The following CRB1 variants were observed in gnomAD, a reference collection of about 807,000 sequenced individuals.
The protein encoded by CRB1 is crumbs cell polarity complex component 1, also known as protein crumbs homolog 1.
A neutral mutation model predicts 120.0 loss-of-function variants in CRB1; 83 were observed. That is an observed-to-expected ratio of 0.69 (90% CI 0.58 to 0.83). CRB1 has a LOEUF of 0.83. Among genes scored for constraint, CRB1 ranks in the 40% least tolerant of loss-of-function variants. CRB1 has a pLI of 0.00. For synonymous variants in CRB1, 625 were observed against 612.5 expected, an observed-to-expected ratio of 1.02 and a Z score of -0.30; for missense variants, 1,699 against 1,687.6, an observed-to-expected ratio of 1.01 and a Z score of -0.12.
At chr1:197,340,263 G>A (rs1176020625) in intron 2 of CRB1, among the ~76,000 whole-genome samples, 1 of 152,092 alleles carries the variant, frequency 6.6e-6, no homozygotes, top group African/African-American at 2.4e-5. Context: ...AGGGAGTGAG[G>A]AGTGGGGCAT....
chr1:197,283,466 C>G (rs988499782), intron 1 of CRB1, among the ~76,000 whole-genome samples: 1 of 151,784 alleles, frequency 6.6e-6, no homozygotes, highest in Non-Finnish European at 1.5e-5. Flanking sequence ...TAGCTTAGCT[C>G]CCACTTATGA....
chr1:197,373,573 G>A (rs6674823), intron 5 of CRB1, among the ~76,000 whole-genome samples: 6,981 of 152,172 alleles, frequency 0.046, 536 homozygotes, highest in African/African-American at 0.16. Context: ...TGGCCAACAG[G>A]AGACAAATCT....
chr1:197,310,279 G>A (rs934814908), intron 1 of CRB1, among the ~76,000 whole-genome samples: 6 of 152,050 alleles, frequency 3.9e-5, no homozygotes, highest in Non-Finnish European at 7.4e-5. Context: ...GGCAATTTTC[G>A]GAATAGAAAA....
chr1:197,461,188 G>T (rs1666514155), intron 11 of CRB1, among the ~76,000 whole-genome samples: 2 of 152,144 alleles, frequency 1.3e-5, no homozygotes, highest in Admixed American at 6.6e-5. Context: ...TCAACTTAAA[G>T]ATTTATTTGC....
At chr1:197,333,068 GAGTGATCATAAAGAACTCCTCTTACAGA>G in intron 2 of CRB1, among the ~76,000 whole-genome samples, 1 of 152,168 alleles carries the variant, frequency 6.6e-6, no homozygotes, top group Admixed American at 6.5e-5. Flanking sequence ...TCCAAATTTA[GAGTGATCATAAAGAACTCCTCTTACAGA>G]AAAAAACCTG....
intron 1 of CRB1, among the ~76,000 whole-genome samples, chr1:197,292,133 A>G (rs1003046706): frequency 6.6e-6 from 1 of 151,910 alleles, no homozygotes; most frequent in Non-Finnish European, 1.5e-5. Flanking sequence ...CCAGGAGCTG[A>G]TTTTTTGAAA....
In CRB1 at chr1:197,268,450, A is replaced by G. The variant is rs776429571; in HGVS notation, c.38A>G (p.Tyr13Cys). The part of the protein sequence containing the change: ...LKNINYLLIF[Y>C]LSFSLLIYIK... ...AACATTAACTACCTTCTCATCTTCT[A>G]CCTCAGTTTCTCACTGCTTATCTAC... Residue 13 changes from tyrosine (Y) to cysteine (C), a missense_variant, in exon 1 of 12, where the codon TAC (tyrosine) becomes TGC (cysteine). Transcript: ENST00000367400. 2.5e-6 allele frequency: 4 copies of G among 1,613,140 alleles called. No homozygotes were observed. The highest frequency in any genetic ancestry group is 1.3e-5 in the African/African-American group (1 of 74,986).
chr1:197,366,050 T>A (rs1661057341), intron 5 of CRB1, among the ~76,000 whole-genome samples: 1 of 152,126 alleles, frequency 6.6e-6, no homozygotes, highest in South Asian at 2.1e-4. Flanking sequence ...GAAAAAAAAT[T>A]TTTTTAATGG....
chr1:197,379,846 A>G (rs1558094959), intron 5 of CRB1, among the ~76,000 whole-genome samples: 1 of 152,156 alleles, frequency 6.6e-6, no homozygotes, highest in Non-Finnish European at 1.5e-5. Flanking sequence ...TCTTCCTGCT[A>G]ATGATAACAT....
At chr1:197,423,680 C>A (rs1454651022) in intron 6 of CRB1, among the ~76,000 whole-genome samples, 1 of 152,082 alleles carries the variant, frequency 6.6e-6, no homozygotes. Flanking sequence ...AGGAGACATA[C>A]TAAAAAGCAC....
In CRB1 at chr1:197,356,953, T is replaced by C. The variant is rs753898028; in HGVS notation, c.1111T>C (p.Ser371Pro). Reference sequence around the variant, plus strand: ...ATATGGACGCATCACTGGACTGCCTTCTTCTTTCAGCTACCATGAAGCCTC... The same window carrying C: ...ATATGGACGCATCACTGGACTGCCTCCTTCTTTCAGCTACCATGAAGCCTC... ...KQYGRITGLPSSFSYHEASGY... is the reference protein window; with the variant it reads ...KQYGRITGLPPSFSYHEASGY... The change falls in exon 5 of 12, where the codon TCT (serine) becomes CCT (proline). Residue 371 changes from serine (S) to proline (P), a missense_variant. Ser to Pro is a moderately conservative substitution (Grantham distance 74, BLOSUM62 -1). Transcript: ENST00000367400. 12 of 1,614,168 alleles carry C rather than the reference T, an allele frequency of 7.4e-6. No homozygotes were observed. The highest frequency in any genetic ancestry group is 6.7e-5 in the Admixed American group (4 of 60,022).
At chr1:197,272,502 A>C (rs1285943379) in intron 1 of CRB1, among the ~76,000 whole-genome samples, 1 of 152,094 alleles carries the variant, frequency 6.6e-6, no homozygotes, top group African/African-American at 2.4e-5. Flanking sequence ...TGGTCTCACA[A>C]TAACAAATAC....
intron 1 of CRB1, among the ~76,000 whole-genome samples, chr1:197,320,377 C>T (rs2125289374): frequency 6.6e-6 from 1 of 152,208 alleles, no homozygotes; most frequent in South Asian, 2.1e-4. Flanking sequence ...CCAGAATAGA[C>T]CTGGTCCCTA....
Position 197,356,988 on chromosome 1 carries a change from C to G in CRB1, c.1146C>G (p.Val382=). The G allele has an allele frequency of 6.2e-7, 1 of 1,614,192 alleles. No individual in the cohort carries two copies. The highest frequency in any genetic ancestry group is 8.5e-7 in the Non-Finnish European group (1 of 1,180,032). ...GCTACCATGAAGCCTCAGGTTATGT[C>G]TGTATCTGTCAGCCTGGATTCACAG... ...SFSYHEASGY[V]CICQPGFTGI... Residue 382 remains valine (V), a synonymous_variant, in exon 5 of 12, where the codon GTC becomes GTG. Coordinates refer to ENST00000367400, the MANE Select transcript of CRB1 (RefSeq NM_201253.3).
At chr1:197,327,805 A>G (rs538252099) in intron 1 of CRB1, among the ~76,000 whole-genome samples, 1 of 152,334 alleles carries the variant, frequency 6.6e-6, no homozygotes, top group African/African-American at 2.4e-5. Context: ...ACTGGGCTCC[A>G]AGGGACCTTC....
At chr1:197,305,830 T>G (rs1328182187) in intron 1 of CRB1, among the ~76,000 whole-genome samples, 2 of 151,044 alleles carry the variant, frequency 1.3e-5, no homozygotes, top group Admixed American at 6.6e-5. Flanking sequence ...TTTTAAAGAA[T>G]GTAATACAGA....
intron 5 of CRB1, among the ~76,000 whole-genome samples, chr1:197,386,725 A>G (rs556818427): frequency 4.6e-5 from 7 of 152,286 alleles, no homozygotes; most frequent in African/African-American, 1.7e-4. Flanking sequence ...AGGGGAGAAT[A>G]TACATGGGGG....
intron 1 of CRB1, among the ~76,000 whole-genome samples, chr1:197,290,306 T>TGTGTGTGTGTGTG (rs1558032615): frequency 1.2e-5 from 1 of 80,164 alleles, no homozygotes; most frequent in African/African-American, 5.1e-5. Flanking sequence ...GTGTGTGTGT[T>TGTGTGTGTGTGTG]TGAAGAGAAG....
intron 9 of CRB1, chr1:197,438,254 T>C (rs1397340783): frequency 1.4e-5 from 5 of 358,666 alleles, no homozygotes; most frequent in Non-Finnish European, 2.7e-5. Context: ...TATAGCAAGT[T>C]CTTTTCCAAC....
Sources: gnomAD v4.1 joint callset for allele counts (sites outside exome capture counted in the v4.1 genomes callset) on GRCh38, gnomAD v4.1.1 for gene constraint, MANE v1.5 for transcripts, NCBI Gene and HGNC (gene_info 2026-07-23, HGNC 2026-07-21) for gene names.